SKI: variants seen among roughly 807,000 people sequenced by gnomAD.
SKI encodes ski oncogene.
SKI carries 23 observed loss-of-function variants against 59.3 expected under a neutral mutation model. The ratio of observed to expected loss-of-function variants is 0.39; its 90% confidence interval spans 0.28 to 0.55. The LOEUF is 0.55. SKI is among the 20% of genes least tolerant of loss of function. SKI has a pLI of 0.67. For missense variants in SKI, 1,017 were observed against 1,038.9 expected (o/e 0.98, Z 0.29); for synonymous variants, 673 against 488.6 (o/e 1.38, Z -4.98).
At chr1:2,290,843 C>T (rs993216385) in intron 1 of SKI, among the ~76,000 whole-genome samples, 3 of 152,238 alleles carry the variant, frequency 2.0e-5, no homozygotes, top group South Asian at 2.1e-4. Flanking sequence ...TAATTGAGTC[C>T]GATTCTTGGT....
intron 1 of SKI, among the ~76,000 whole-genome samples, chr1:2,283,211 G>C (rs1054747760): frequency 6.6e-5 from 10 of 152,364 alleles, no homozygotes; most frequent in African/African-American, 2.4e-4. Flanking sequence ...CCCCTCCTAT[G>C]GGTGAGGCTG....
chr1:2,298,119 C>G (rs1339429203), intron 1 of SKI, among the ~76,000 whole-genome samples: 1 of 152,192 alleles, frequency 6.6e-6, no homozygotes, highest in Non-Finnish European at 1.5e-5. Context: ...GTGGGCTGCT[C>G]AACCGCTCTG....
rs200702159 is a variant in SKI, at chr1:2,306,115, C to T, written c.1863C>T (p.Ala621=). Residue 621 remains alanine (A), a synonymous_variant, in exon 6 of 7, where the codon GCC becomes GCT. Coordinates refer to ENST00000378536, the MANE Select transcript of SKI (RefSeq NM_003036.4). The stretch of plus-strand genomic sequence containing the variant: ...GGAAGGAGATCGAGCGTCTCCGCGC[C>T]GAGAACGAGAAGAAGATGAAAGAGG... ...NLRKEIERLR[A]ENEKKMKEAN... 36 of 1,598,518 alleles carry T rather than the reference C, an allele frequency of 2.3e-5. No individual in the cohort carries two copies. Among genetic ancestry groups the T allele is most frequent in the Non-Finnish European group, 3.0e-5 (35 of 1,173,984 alleles).
At position 2,292,215 on chromosome 1, in the gene SKI, G is replaced by A. The variant is rs75383897; in HGVS notation, c.970-10763G>A. Among the ~76,000 whole-genome samples the A allele has an allele frequency of 2.3e-3, 353 of 152,336 alleles. 2 individuals are homozygous for A. The highest frequency in any genetic ancestry group is 8.2e-3 in the African/African-American group (339 of 41,588). ...CGGAGAGGAGTCCCCACGCCTCCTT[G>A]CCCTGCTCAGGGCTGCACGGGAGTT... On this transcript the variant is annotated intron_variant, in intron 1 of 6. Coordinates refer to ENST00000378536, the MANE Select transcript of SKI (RefSeq NM_003036.4).
intron 1 of SKI, among the ~76,000 whole-genome samples, chr1:2,289,677 C>A: frequency 6.6e-6 from 1 of 152,048 alleles, no homozygotes; most frequent in Admixed American, 6.5e-5. Context: ...CGGCTCTCCC[C>A]TCCCCCGAGC....
chr1:2,233,658 C>T (rs1435282695), intron 1 of SKI, among the ~76,000 whole-genome samples: 1 of 152,088 alleles, frequency 6.6e-6, no homozygotes, highest in Non-Finnish European at 1.5e-5. Context: ...CCCCAGGCAG[C>T]GTTTCTTCAG....
rs12073072 is a variant in SKI, at chr1:2,237,918, A to G, written c.969+8183A>G. ...GAGGTTGGCCCATTTGACCCTATCC[A>G]GGACGGGTTACTTAAGGAGTCCAAC... On this transcript the variant is annotated intron_variant, in intron 1 of 6. Coordinates refer to ENST00000378536, the MANE Select transcript of SKI (RefSeq NM_003036.4). Among the ~76,000 whole-genome samples, 664 of 152,334 alleles carry G rather than the reference A, an allele frequency of 4.4e-3. 8 individuals carry two copies. The highest frequency in any genetic ancestry group is 0.015 in the African/African-American group (633 of 41,576).
intron 1 of SKI, among the ~76,000 whole-genome samples, chr1:2,259,983 C>T (rs1190607874): frequency 1.3e-5 from 2 of 152,170 alleles, no homozygotes; most frequent in African/African-American, 4.8e-5. Flanking sequence ...CATTCGGGTA[C>T]AAGTTGTTGT....
Position 2,303,958 on chromosome 1 carries a change from G to A in SKI, c.1330G>A (p.Glu444Lys), listed in dbSNP as rs747693633. ...TGCCGCCGCCGTCTCCCGGGCCCCC[G>A]AGCCTCTCGCCACTTGCACCCAGCC... is the stretch of plus-strand genomic sequence containing the variant. ...PCAAAVSRAP[E>K]PLATCTQPRK... Residue 444 changes from glutamate to lysine, a missense_variant, in exon 4 of 7, where the codon GAG becomes AAG. Glu to Lys is a moderately conservative substitution (Grantham distance 56, BLOSUM62 1). Coordinates refer to ENST00000378536, the MANE Select transcript of SKI (RefSeq NM_003036.4). The surrounding 1 kb of genome is among the most constrained non-coding windows in gnomAD (Gnocchi z 5.6). The A allele has an allele frequency of 5.0e-6, 8 of 1,611,950 alleles. No individual in the cohort carries two copies. The East Asian group carries it at 6.7e-5, about 13-fold the overall frequency.
chr1:2,306,786 GCGC>G lies in SKI; in HGVS notation c.*27_*29del, dbSNP rs982634081. On this transcript the variant is annotated 3_prime_UTR_variant, in exon 7 of 7. Coordinates refer to ENST00000378536, the MANE Select transcript of SKI (RefSeq NM_003036.4). ...CGTAGATTCCGTGCCTGCCGCCGCA[GCGC>G]CGCCGACAACGCGGGTGCAGGGGGG... The G allele has an allele frequency of 1.1e-5, 16 of 1,480,200 alleles. No homozygotes were observed. In the East Asian group the frequency reaches 2.8e-4, roughly 26 times the overall value. The allele number at this position is 1,480,200 out of a possible 1,614,324, so 91.7% of individuals were successfully genotyped here.
intron 1 of SKI, among the ~76,000 whole-genome samples, chr1:2,297,948 G>A (rs116162952): frequency 0.018 from 2,792 of 152,352 alleles, 81 homozygotes; most frequent in South Asian, 0.077. Context: ...AGGGTGGGCT[G>A]TGCTGTGTGG....
intron 1 of SKI, among the ~76,000 whole-genome samples, chr1:2,230,394 G>A (rs1638608455): frequency 6.6e-6 from 1 of 152,188 alleles, no homozygotes; most frequent in South Asian, 2.1e-4. Flanking sequence ...CCCTGGGCCT[G>A]CCAGGGACCA....
rs1302923279 is a variant in SKI, at chr1:2,270,135, T to TA, written c.970-32842dup. On this transcript the variant is annotated intron_variant, in intron 1 of 6. Coordinates refer to ENST00000378536, the MANE Select transcript of SKI (RefSeq NM_003036.4). The surrounding 1 kb of genome is among the most constrained non-coding windows in gnomAD (Gnocchi z 4.1). The stretch of plus-strand genomic sequence containing the variant: ...GTGCTGTGCCCTGGTCATTGTCCCC[T>TA]ACAGCCAGGCAGTAAAGTGTGGCCA... Among the ~76,000 whole-genome samples, 1 of 152,178 alleles carries TA rather than the reference T, an allele frequency of 6.6e-6. No homozygotes were observed. Among genetic ancestry groups the TA allele is most frequent in the South Asian group, 2.1e-4 (1 of 4,834 alleles).
At chr1:2,262,766 GTCTT>G (rs757609665) in intron 1 of SKI, among the ~76,000 whole-genome samples, 70 of 152,146 alleles carry the variant, frequency 4.6e-4, no homozygotes, top group Non-Finnish European at 7.8e-4. Context: ...TATGGTGAGT[GTCTT>G]TCTATTTCAG....
At chr1:2,262,893 ATTTGTTTTTTTTTGTT>A (rs1033858102) in intron 1 of SKI, among the ~76,000 whole-genome samples, 1 of 151,634 alleles carries the variant, frequency 6.6e-6, no homozygotes, top group Admixed American at 6.6e-5. Context: ...ATATTGTTGA[ATTTGTTTTTTTTTGTT>A]TTTGTTTTTG....
chr1:2,270,012 C>T lies in SKI; in HGVS notation c.970-32966C>T, dbSNP rs113613352. 2.7e-5 allele frequency among the ~76,000 whole-genome samples: 4 copies of T among 149,326 alleles called. No individual in the cohort carries two copies. Among genetic ancestry groups the T allele is most frequent in the Non-Finnish European group, 4.5e-5 (3 of 67,256 alleles). ...CGGGTCTGGTGGTGCCTGTGGCTGG[C>T]GTGGGTCTGGCGGGTCTGGCATGTT... On this transcript the variant is annotated intron_variant, in intron 1 of 6. Coordinates refer to ENST00000378536, the MANE Select transcript of SKI (RefSeq NM_003036.4). This position sits in a 1 kb window ranked among gnomAD's most constrained non-coding sequence, Gnocchi z 4.1.
rs117495326 is a variant in SKI, at chr1:2,277,275, G to A, written c.970-25703G>A. On this transcript the variant is annotated intron_variant, in intron 1 of 6. Coordinates refer to ENST00000378536, the MANE Select transcript of SKI (RefSeq NM_003036.4). Reference sequence around the variant, plus strand: ...TGCCCAGCTAATTTTTGTAGTTTTAGTAGAGACGGTGATATGGTTTGGCTG... The same window carrying A: ...TGCCCAGCTAATTTTTGTAGTTTTAATAGAGACGGTGATATGGTTTGGCTG... Among the ~76,000 whole-genome samples, 73 of 152,252 alleles carry A rather than the reference G, an allele frequency of 4.8e-4. No homozygotes were observed. The East Asian group carries it at 0.014, about 28-fold the overall frequency.
intron 1 of SKI, among the ~76,000 whole-genome samples, chr1:2,290,165 A>G (rs935354748): frequency 1.3e-5 from 2 of 151,800 alleles, no homozygotes; most frequent in East Asian, 3.9e-4. Context: ...GTCTTAAGAG[A>G]TCAGGCAGGG....
At chr1:2,239,113 A>G (rs1197496758) in intron 1 of SKI, among the ~76,000 whole-genome samples, 1 of 152,208 alleles carries the variant, frequency 6.6e-6, no homozygotes, top group African/African-American at 2.4e-5. Flanking sequence ...TATACTACCA[A>G]GTTGAATGAT....
Sources: allele counts gnomAD v4.1 joint callset (sites outside exome capture counted in the v4.1 genomes callset), GRCh38; gene constraint gnomAD v4.1.1; non-coding constraint Gnocchi (gnomAD v3.1); transcripts MANE v1.5; gene names NCBI Gene and HGNC (gene_info 2026-07-23, HGNC 2026-07-21).